Variants in ARHGEF9 observed in about 807,000 individuals in gnomAD.
ARHGEF9 encodes rho guanine nucleotide exchange factor 9.
In ARHGEF9, 2 loss-of-function variants were observed where a neutral mutation model predicts 41.3. The observed-to-expected ratio is 0.05, with a 90% confidence interval of 0.02 to 0.15. ARHGEF9 has a LOEUF of 0.15. Ranked by LOEUF, ARHGEF9 falls within the 10% of genes least tolerant of loss-of-function variation. The probability of loss-of-function intolerance (pLI) is 1.00; values close to 1 mark genes in which losing one functional copy is unlikely to be tolerated. For synonymous variants in ARHGEF9, 160 were observed against 154.4 expected, an observed-to-expected ratio of 1.04 and a Z score of -0.27; for missense variants, 225 against 424.7, an observed-to-expected ratio of 0.53 and a Z score of 4.13.
chrX:63,670,795 G>T (rs1556354613), intron 6 of ARHGEF9, among the ~76,000 whole-genome samples: 1 of 112,028 alleles, frequency 8.9e-6, no homozygotes, highest in Non-Finnish European at 1.9e-5. Context: ...ATTTTCAGGA[G>T]CCCTGGGGGG....
chrX:63,767,412 TA>T, intron 1 of ARHGEF9: 1 of 396,583 alleles, frequency 2.5e-6, no homozygotes, highest in Non-Finnish European at 4.6e-6. Context: ...TGACTGCTTT[TA>T]AAAAATTTTT....
intron 3 of ARHGEF9, among the ~76,000 whole-genome samples, chrX:63,701,793 C>A (rs1197840286): frequency 2.1e-4 from 23 of 111,657 alleles, no homozygotes; most frequent in African/African-American, 7.2e-4. Context: ...TGAAAATGGG[C>A]AAAGTATAGG....
At chrX:63,638,529 G>A (rs782054093) in intron 9 of ARHGEF9, 216 of 388,471 alleles carry the variant, frequency 5.6e-4, no homozygotes, top group African/African-American at 4.8e-3. Flanking sequence ...GTAAGTTAGC[G>A]ACAAAGCAAG....
chrX:63,755,343 T>G (rs1296966699), intron 1 of ARHGEF9: 1 of 632,382 alleles, frequency 1.6e-6, no homozygotes, highest in Non-Finnish European at 2.1e-6. Context: ...CCGGCGAGAG[T>G]CACCAGCCAC....
chrX:63,640,479 G>A (rs1174862285), intron 9 of ARHGEF9: 1 of 111,994 alleles, frequency 8.9e-6, no homozygotes. Context: ...CTGGCCCCAA[G>A]GCCTCTGGAG....
In ARHGEF9 at chrX:63,635,287, G is replaced by A. The variant is rs1556295601; in HGVS notation, c.*2741C>T. On this transcript the variant is annotated 3_prime_UTR_variant, in exon 10 of 10. Coordinates refer to ENST00000671741, the MANE Select transcript of ARHGEF9 (RefSeq NM_001353921.2). ...ATTAGAAATATACACATAGAGAGGG[G>A]GGGAAAAAGAGAGAATAATTAGATG... 1 of 515,822 alleles carries A rather than the reference G, an allele frequency of 1.9e-6. No individual in the cohort carries two copies. The highest frequency in any genetic ancestry group is 3.5e-6 in the Non-Finnish European group (1 of 283,983). 42.5% of individuals were successfully genotyped at this position (515,822 alleles called of 1,213,427 possible). A position where few individuals can be genotyped will look rare whatever the true frequency, so the allele number is the denominator to read the frequency against.
At chrX:63,755,727 G>T (rs191281110) in intron 1 of ARHGEF9, 27 of 395,065 alleles carry the variant, frequency 6.8e-5, no homozygotes, top group African/African-American at 2.2e-4. Context: ...CCCACAATTA[G>T]CTATAAAAAG....
chrX:63,745,452 C>A (rs2055208821), intron 1 of ARHGEF9, among the ~76,000 whole-genome samples: 1 of 111,280 alleles, frequency 9.0e-6, no homozygotes. Flanking sequence ...GTTCTCCCAG[C>A]CTCTCGTCAG....
intron 8 of ARHGEF9, among the ~76,000 whole-genome samples, chrX:63,654,650 A>G (rs1174560478): frequency 8.9e-6 from 1 of 111,910 alleles, no homozygotes; most frequent in African/African-American, 3.2e-5. Flanking sequence ...TTCAATGAGT[A>G]GGCCCATTTT....
chrX:63,749,751 G>A (rs1364910121), intron 1 of ARHGEF9, among the ~76,000 whole-genome samples: 12 of 112,380 alleles, frequency 1.1e-4, no homozygotes, highest in African/African-American at 2.9e-4. Context: ...CTATAGGCCC[G>A]TGCACTGATA....
chrX:63,695,703 G>A (rs2051696493), intron 4 of ARHGEF9, among the ~76,000 whole-genome samples: 1 of 111,829 alleles, frequency 8.9e-6, no homozygotes, highest in African/African-American at 3.3e-5. Context: ...TCTCAAGAGG[G>A]TTCCCCCACT....
chrX:63,750,792 C>T (rs1440164678), intron 1 of ARHGEF9, among the ~76,000 whole-genome samples: 6 of 111,575 alleles, frequency 5.4e-5, no homozygotes, highest in African/African-American at 1.6e-4. Context: ...GAATTTGAAA[C>T]CAGGAGTTTT....
At chrX:63,643,448 T>C (rs1216872269) in intron 9 of ARHGEF9, among the ~76,000 whole-genome samples, 6 of 106,983 alleles carry the variant, frequency 5.6e-5, no homozygotes, top group African/African-American at 2.1e-4. Context: ...AACCTCCGCC[T>C]CCCAGGTTCA....
Position 63,762,494 on chromosome X carries a change from G to A in ARHGEF9, c.30+22622C>T, listed in dbSNP as rs185952634. On this transcript the variant is annotated intron_variant, in intron 1 of 9. Coordinates refer to ENST00000671741, the MANE Select transcript of ARHGEF9 (RefSeq NM_001353921.2). ...ATAGTCTAGCAATGAGACTCTAAGTGAAGATGTTAAGAAAGGGCTGGACAT... is the reference window on the plus strand; with the variant it reads ...ATAGTCTAGCAATGAGACTCTAAGTAAAGATGTTAAGAAAGGGCTGGACAT... 4.5e-5 allele frequency among the ~76,000 whole-genome samples: 5 copies of A among 111,535 alleles called. No homozygotes were observed. The East Asian group carries it at 1.4e-3, about 32-fold the overall frequency.
In ARHGEF9 at chrX:63,644,766, T is replaced by A. The variant is rs1440793712; in HGVS notation, c.1322-718A>T. The stretch of plus-strand genomic sequence containing the variant: ...TCGCCTTCTATTATTATTATTATTT[T>A]TTTTTTTTTTGGAGGCAAGGTTTTG... On this transcript the variant is annotated intron_variant, in intron 8 of 9. Transcript: ENST00000671741. Among the ~76,000 whole-genome samples, 190 of 108,096 alleles carry A rather than the reference T, an allele frequency of 1.8e-3. 1 individual carries two copies. The highest frequency in any genetic ancestry group is 6.2e-3 in the African/African-American group (184 of 29,781). 93.9% of individuals were successfully genotyped at this position (108,096 alleles called of 115,157 possible).
chrX:63,675,839 GATCTCA>G (rs1230740102), intron 5 of ARHGEF9, among the ~76,000 whole-genome samples: 1 of 111,595 alleles, frequency 9.0e-6, no homozygotes, highest in Non-Finnish European at 1.9e-5. Flanking sequence ...TTGATAGTGA[GATCTCA>G]GCCATTCAGT....
intron 7 of ARHGEF9, among the ~76,000 whole-genome samples, chrX:63,662,191 T>C (rs182985323): frequency 1.8e-5 from 2 of 111,993 alleles, no homozygotes; most frequent in Admixed American, 1.9e-4. Flanking sequence ...TCACAACTGA[T>C]ATAATGGAGG....
At chrX:63,770,307 T>G (rs2056182052) in intron 1 of ARHGEF9, among the ~76,000 whole-genome samples, 1 of 112,895 alleles carries the variant, frequency 8.9e-6, no homozygotes, top group Admixed American at 9.3e-5. Context: ...GATTTAAAAT[T>G]TAATTGCTCC....
chrX:63,747,043 T>C (rs1556434864), intron 1 of ARHGEF9, among the ~76,000 whole-genome samples: 1 of 112,411 alleles, frequency 8.9e-6, no homozygotes, highest in African/African-American at 3.2e-5. Context: ...CCACTCTGTG[T>C]ATTCTAAACC....
Sources: gnomAD v4.1 joint callset for allele counts (sites outside exome capture counted in the v4.1 genomes callset) on GRCh38, gnomAD v4.1.1 for gene constraint, MANE v1.5 for transcripts, NCBI Gene and HGNC (gene_info 2026-07-23, HGNC 2026-07-21) for gene names.